CSMD3: variants seen among roughly 807,000 people sequenced by gnomAD.
CSMD3 encodes CUB and Sushi multiple domains 3, also known as CUB and sushi domain-containing protein 3.
CSMD3 carries 177 observed loss-of-function variants against 435.2 expected under a neutral mutation model. The observed-to-expected ratio is 0.41, with a 90% CI of 0.36 to 0.46. CSMD3 has a LOEUF of 0.46. Among genes scored for constraint, CSMD3 ranks in the 20% least tolerant of loss-of-function variants. The pLI is 0.34. For missense variants in CSMD3, 4,265 were observed against 4,504.6 expected (o/e 0.95, Z 1.52); for synonymous variants, 1,656 against 1,520.5 (o/e 1.09, Z -2.07).
At chr8:112,699,898 C>T (rs1185774492) in intron 13 of CSMD3, among the ~76,000 whole-genome samples, 1 of 152,014 alleles carries the variant, frequency 6.6e-6, no homozygotes, top group Non-Finnish European at 1.5e-5. Context: ...ATGAAAGAGA[C>T]ATGACAACAA....
chr8:113,223,829 A>T (rs1000282470), intron 3 of CSMD3, among the ~76,000 whole-genome samples: 3 of 150,408 alleles, frequency 2.0e-5, no homozygotes, highest in East Asian at 3.9e-4. Context: ...AGGAAAAAAA[A>T]ACATGTTTCT....
chr8:112,533,714 C>T (rs1368702476), intron 27 of CSMD3, among the ~76,000 whole-genome samples: 1 of 151,938 alleles, frequency 6.6e-6, no homozygotes, highest in African/African-American at 2.4e-5. Context: ...ATAGATCATC[C>T]AGACAGAAAA....
At chr8:113,067,202 C>T (rs921411684) in intron 5 of CSMD3, among the ~76,000 whole-genome samples, 1 of 152,076 alleles carries the variant, frequency 6.6e-6, no homozygotes, top group African/African-American at 2.4e-5. Context: ...ATCCAGACTT[C>T]CTCTTTTCTT....
intron 1 of CSMD3, among the ~76,000 whole-genome samples, chr8:113,355,745 T>C (rs36134524): frequency 0.32 from 28,845 of 90,822 alleles, 5,241 homozygotes; most frequent in Non-Finnish European, 0.42. Context: ...TATATATATA[T>C]ATATACACAC....
intron 3 of CSMD3, among the ~76,000 whole-genome samples, chr8:113,197,854 G>T (rs1273989343): frequency 6.6e-6 from 1 of 150,744 alleles, no homozygotes; most frequent in Non-Finnish European, 1.5e-5. Flanking sequence ...TTATTAGATA[G>T]CACAACATTG....
At chr8:113,151,382 T>C (rs978041364) in intron 4 of CSMD3, among the ~76,000 whole-genome samples, 5 of 151,898 alleles carry the variant, frequency 3.3e-5, no homozygotes, top group East Asian at 1.9e-4. Flanking sequence ...GAGTCAATCA[T>C]TGCAATTGTT....
chr8:112,934,112 T>G (rs777235431), intron 9 of CSMD3, among the ~76,000 whole-genome samples: 2 of 152,036 alleles, frequency 1.3e-5, no homozygotes, highest in African/African-American at 2.4e-5. Flanking sequence ...AAGAACACAC[T>G]AGGATAAGGC....
At chr8:112,925,471 G>A (rs2082880639) in intron 9 of CSMD3, among the ~76,000 whole-genome samples, 1 of 151,942 alleles carries the variant, frequency 6.6e-6, no homozygotes, top group Admixed American at 6.6e-5. Context: ...GCTGAGGCAG[G>A]AGAATGGAGT....
At chr8:112,697,745 G>A (rs1051307163) in intron 13 of CSMD3, among the ~76,000 whole-genome samples, 2 of 151,656 alleles carry the variant, frequency 1.3e-5, no homozygotes, top group South Asian at 4.2e-4. Context: ...AAAAAATAAG[G>A]TACTAAGGAT....
intron 5 of CSMD3, among the ~76,000 whole-genome samples, chr8:113,066,967 T>G (rs543294247): frequency 1.1e-4 from 17 of 152,202 alleles, no homozygotes; most frequent in African/African-American, 4.1e-4. Context: ...ACAGCCTAAT[T>G]TGGATTAAGT....
intron 22 of CSMD3, among the ~76,000 whole-genome samples, chr8:112,620,462 C>T (rs560435283): frequency 6.6e-6 from 1 of 152,222 alleles, no homozygotes; most frequent in South Asian, 2.1e-4. Flanking sequence ...AATTGAGGCA[C>T]TCGAAGTTAA....
chr8:112,474,187 C>G (rs1818812843), intron 31 of CSMD3, among the ~76,000 whole-genome samples: 1 of 151,956 alleles, frequency 6.6e-6, no homozygotes. Context: ...TAAAGAGTTA[C>G]AAACAAAACA....
chr8:112,690,446 A>G (rs2076106651), intron 13 of CSMD3, among the ~76,000 whole-genome samples: 1 of 151,952 alleles, frequency 6.6e-6, no homozygotes, highest in African/African-American at 2.4e-5. Context: ...TTTCTACAGG[A>G]TACGGTAAAT....
chr8:113,048,161 C>G lies in CSMD3; in HGVS notation c.918-28982G>C, dbSNP rs186887454. 3.4e-5 allele frequency among the ~76,000 whole-genome samples: 5 copies of G among 147,652 alleles called. No individual in the cohort carries two copies. The East Asian group carries it at 8.1e-4, about 24-fold the overall frequency. ...AGGCTGGAGTGCAGTGGCGCGATCT[C>G]GGCTCACTGCAAGCTCCGCCTCCTA... On this transcript the variant is annotated intron_variant, in intron 5 of 70. Transcript: ENST00000297405.
At chr8:112,533,083 G>T (rs1191814584) in intron 27 of CSMD3, among the ~76,000 whole-genome samples, 1 of 151,866 alleles carries the variant, frequency 6.6e-6, no homozygotes, top group Admixed American at 6.6e-5. Flanking sequence ...TTCTTTGTAA[G>T]CCATACAGTA....
chr8:112,891,347 G>A (rs532896070), intron 10 of CSMD3, among the ~76,000 whole-genome samples: 3 of 151,692 alleles, frequency 2.0e-5, no homozygotes, highest in South Asian at 4.2e-4. Flanking sequence ...CCTTCACAAC[G>A]AGCTGCCCAG....
At chr8:113,008,157 C>T (rs138576595) in intron 6 of CSMD3, among the ~76,000 whole-genome samples, 1 of 151,508 alleles carries the variant, frequency 6.6e-6, no homozygotes, top group African/African-American at 2.4e-5. Context: ...TTGTTGAAGT[C>T]CCTTATTTTA....
chr8:112,701,424 A>G (rs2076386053), intron 13 of CSMD3, among the ~76,000 whole-genome samples: 1 of 152,164 alleles, frequency 6.6e-6, no homozygotes, highest in Non-Finnish European at 1.5e-5. Flanking sequence ...ACAGTTATAT[A>G]TGTAGAAATA....
At chr8:113,246,388 T>A (rs1277382520) in intron 3 of CSMD3, among the ~76,000 whole-genome samples, 2 of 152,086 alleles carry the variant, frequency 1.3e-5, no homozygotes, top group Non-Finnish European at 2.9e-5. Context: ...TTAGTTGTTA[T>A]ACTTTTCAAC....
Sources: gnomAD v4.1 joint callset for allele counts (sites outside exome capture counted in the v4.1 genomes callset) on GRCh38, gnomAD v4.1.1 for gene constraint, MANE v1.5 for transcripts, NCBI Gene and HGNC (gene_info 2026-07-23, HGNC 2026-07-21) for gene names.